LRRC36: variants seen among roughly 807,000 people sequenced by gnomAD.
LRRC36 encodes the protein leucine-rich repeat-containing protein 36.
In LRRC36, 62 loss-of-function variants were observed where a neutral mutation model predicts 81.1. That is an observed-to-expected ratio of 0.76 (90% CI 0.62 to 0.94). The LOEUF (loss-of-function observed/expected upper bound fraction) is 0.94. Ranked by LOEUF, LRRC36 falls within the 40% of genes least tolerant of loss-of-function variation. LRRC36 has a pLI of 0.00. For missense variants in LRRC36, 761 were observed against 881.7 expected (o/e 0.86, Z 1.73); for synonymous variants, 334 against 348.6 (o/e 0.96, Z 0.47).
intron 5 of LRRC36, among the ~76,000 whole-genome samples, chr16:67,358,345 TC>T (rs1337928029): frequency 6.6e-6 from 1 of 152,104 alleles, no homozygotes; most frequent in Non-Finnish European, 1.5e-5. Flanking sequence ...TAATTAATAT[TC>T]ATTCTATATT....
intron 5 of LRRC36, among the ~76,000 whole-genome samples, chr16:67,361,203 G>T (rs2039129184): frequency 6.6e-6 from 1 of 152,002 alleles, no homozygotes. Context: ...GCTCATTTTT[G>T]TATTTTCAAT....
At chr16:67,353,782 G>T (rs549650941) in intron 5 of LRRC36, among the ~76,000 whole-genome samples, 80 of 152,302 alleles carry the variant, frequency 5.3e-4, no homozygotes, top group Non-Finnish European at 5.4e-4. Context: ...GATACCCAAA[G>T]AGGGGAAATA....
At chr16:67,331,060 TGAGAGAGAAAGAGAGA>T (rs1435644314) in intron 1 of LRRC36, among the ~76,000 whole-genome samples, 6 of 108,090 alleles carry the variant, frequency 5.6e-5, no homozygotes, top group Admixed American at 1.0e-4. Context: ...GTGTGAGATG[TGAGAGAGAAAGAGAGA>T]GAGAGAGAGA....
chr16:67,356,545 A>G (rs11859352), intron 5 of LRRC36, among the ~76,000 whole-genome samples: 38,579 of 152,114 alleles, frequency 0.25, 8,999 homozygotes, highest in African/African-American at 0.62. Context: ...AAAGAAGTGC[A>G]TATCTACTGG....
At chr16:67,345,162 ATAGT>A (rs532189657) in intron 2 of LRRC36, among the ~76,000 whole-genome samples, 28 of 152,184 alleles carry the variant, frequency 1.8e-4, no homozygotes, top group African/African-American at 6.5e-4. Context: ...AAATCAAAAA[ATAGT>A]TAGCCAGGTG....
At position 67,370,975 on chromosome 16, in the gene LRRC36, C is replaced by T; in HGVS notation, c.1227C>T (p.Asp409=). The T allele has an allele frequency of 6.2e-7, 1 of 1,613,920 alleles. No individual in the cohort carries two copies. Among genetic ancestry groups the T allele is most frequent in the Non-Finnish European group, 8.5e-7 (1 of 1,179,866 alleles). The change falls in exon 9 of 14, where the codon GAC becomes GAT. Residue 409 remains aspartate, a synonymous_variant. Transcript: ENST00000329956. Reference sequence around the variant, plus strand: ...ATGCCACAACCCATTTCAACAGTGACCCTGCTGTACTTGTCAATGTAGAGC... The same window carrying T: ...ATGCCACAACCCATTTCAACAGTGATCCTGCTGTACTTGTCAATGTAGAGC... The part of the protein sequence containing the change: ...DLYATTHFNS[D]PAVLVNVEQQ...
intron 1 of LRRC36, among the ~76,000 whole-genome samples, chr16:67,329,103 T>G (rs1213406870): frequency 6.6e-6 from 1 of 151,996 alleles, no homozygotes; most frequent in East Asian, 1.9e-4. Flanking sequence ...GTGACAGGGT[T>G]TTGCCATGTT....
intron 11 of LRRC36, among the ~76,000 whole-genome samples, chr16:67,377,631 C>T (rs2039953599): frequency 1.3e-5 from 2 of 151,730 alleles, no homozygotes; most frequent in Non-Finnish European, 1.5e-5. Flanking sequence ...TGCACCTGGC[C>T]GCCTTTTTTC....
At chr16:67,353,068 T>C (rs2038732071) in intron 5 of LRRC36, among the ~76,000 whole-genome samples, 1 of 152,152 alleles carries the variant, frequency 6.6e-6, no homozygotes, top group South Asian at 2.1e-4. Context: ...TGCACTGGTC[T>C]CTCTCTGCAC....
intron 2 of LRRC36, among the ~76,000 whole-genome samples, chr16:67,345,273 C>T (rs2038287464): frequency 6.7e-6 from 1 of 150,016 alleles, no homozygotes; most frequent in African/African-American, 2.5e-5. Flanking sequence ...CTGATCGTAC[C>T]ACTGCACTCC....
chr16:67,346,141 C>A, intron 2 of LRRC36, 115 bp from the exon 3 acceptor site: 1 of 662,486 alleles, frequency 1.5e-6, no homozygotes, highest in Non-Finnish European at 2.5e-6. Context: ...GCCTTTCTCA[C>A]GGGGACTTGG....
At chr16:67,347,306 T>G in intron 3 of LRRC36, 189 bp from the exon 4 acceptor site, 1 of 1,096,764 alleles carries the variant, frequency 9.1e-7, no homozygotes, top group Non-Finnish European at 1.3e-6. Context: ...CGCTATGGCT[T>G]CCTGCAGTCT....
intron 1 of LRRC36, among the ~76,000 whole-genome samples, chr16:67,335,835 C>T (rs1030674615): frequency 5.9e-5 from 9 of 151,904 alleles, no homozygotes; most frequent in East Asian, 1.9e-4. Context: ...CGGGTTCAAG[C>T]GATTCTCCTG....
chr16:67,335,974 C>T (rs1043228392), intron 1 of LRRC36, among the ~76,000 whole-genome samples: 5 of 152,196 alleles, frequency 3.3e-5, no homozygotes, highest in Non-Finnish European at 7.4e-5. Flanking sequence ...TCAGGTGATC[C>T]GCCCGTCTCG....
intron 5 of LRRC36, among the ~76,000 whole-genome samples, chr16:67,361,373 C>G (rs574920040): frequency 1.6e-4 from 25 of 152,196 alleles, no homozygotes; most frequent in South Asian, 1.2e-3. Context: ...TAACAGTTTC[C>G]AAAGTGGCCA....
chr16:67,348,050 A>C lies in LRRC36; in HGVS notation c.488+459A>C, dbSNP rs114431767. Among the ~76,000 whole-genome samples, 376 of 152,356 alleles carry C rather than the reference A, an allele frequency of 2.5e-3. 1 individual carries two copies. The highest frequency in any genetic ancestry group is 8.7e-3 in the African/African-American group (361 of 41,586). The stretch of plus-strand genomic sequence containing the variant: ...AAAAGTGAACAAACATTGAGGCTCT[A>C]AAATTTCTGAATGGTAGCTTTGTCC... On this transcript the variant is annotated intron_variant, in intron 4 of 13. Coordinates refer to ENST00000329956, the MANE Select transcript of LRRC36 (RefSeq NM_018296.6).
chr16:67,381,457 G>A (rs548073708), intron 12 of LRRC36, among the ~76,000 whole-genome samples: 1 of 152,070 alleles, frequency 6.6e-6, no homozygotes, highest in African/African-American at 2.4e-5. Context: ...GGGAGTGAAG[G>A]ATGTACAAAA....
At chr16:67,333,926 G>A (rs35255374) in intron 1 of LRRC36, among the ~76,000 whole-genome samples, 35,853 of 151,844 alleles carry the variant, frequency 0.24, 5,334 homozygotes, top group Middle Eastern at 0.35. Context: ...ATATTGATGC[G>A]ATTATTAACT....
rs1259529197 is a variant in LRRC36 at position 67,350,255 on chromosome 16, A to T, written c.542A>T (p.Lys181Ile). ...GTAACAGGTGAGAGCTCTGCATCAAAAGTCAGTGCTAATGTTGACAGCAGG... is the reference window on the plus strand; with the variant it reads ...GTAACAGGTGAGAGCTCTGCATCAATAGTCAGTGCTAATGTTGACAGCAGG... ...NCVTGESSAS[K>I]VSANVDSRIE... Residue 181 changes from lysine (K) to isoleucine (I), a missense_variant, in exon 5 of 14, where the codon AAA (lysine) becomes ATA (isoleucine). Coordinates refer to ENST00000329956, the MANE Select transcript of LRRC36 (RefSeq NM_018296.6). 1 of 1,613,838 alleles carries T rather than the reference A, an allele frequency of 6.2e-7. No individual in the cohort carries two copies. Among genetic ancestry groups the T allele is most frequent in the African/African-American group, 1.3e-5 (1 of 74,902 alleles).
Sources: allele counts gnomAD v4.1 joint callset (sites outside exome capture counted in the v4.1 genomes callset), GRCh38; gene constraint gnomAD v4.1.1; transcripts MANE v1.5; gene names NCBI Gene and HGNC (gene_info 2026-07-23, HGNC 2026-07-21).